TBL1X: variants seen among roughly 807,000 people sequenced by gnomAD.
TBL1X encodes transducin beta like 1 X-linked, also known as F-box-like/WD repeat-containing protein TBL1X.
A neutral mutation model predicts 50.7 loss-of-function variants in TBL1X; 10 were observed. That is an observed-to-expected ratio of 0.20 (90% confidence interval 0.12 to 0.33). The LOEUF (loss-of-function observed/expected upper bound fraction) is 0.33. Among genes scored for constraint, TBL1X ranks in the 10% least tolerant of loss-of-function variants. The pLI is 1.00. For synonymous variants in TBL1X, 190 were observed against 214.7 expected (o/e 0.88, Z 1.01); for missense variants, 340 against 504.4 (o/e 0.67, Z 3.12).
chrX:9,569,439 G>A (rs772303726), intron 2 of TBL1X, among the ~76,000 whole-genome samples: 48 of 112,000 alleles, frequency 4.3e-4, no homozygotes, highest in Middle Eastern at 4.6e-3. Flanking sequence ...TTTGTGTACC[G>A]TGCTGTGTGT....
At chrX:9,668,806 G>A (rs141756928) in intron 5 of TBL1X, among the ~76,000 whole-genome samples, 43 of 111,448 alleles carry the variant, frequency 3.9e-4, no homozygotes, top group Middle Eastern at 4.6e-3. Context: ...TACCTTGTGC[G>A]GTTTCTGTAC....
intron 11 of TBL1X, among the ~76,000 whole-genome samples, chrX:9,693,766 G>A (rs1043878395): frequency 6.3e-5 from 7 of 111,572 alleles, no homozygotes; most frequent in Non-Finnish European, 1.3e-4. Context: ...CACCCACTGA[G>A]GGGTGAGTGG....
intron 2 of TBL1X, among the ~76,000 whole-genome samples, chrX:9,579,434 A>G (rs760724826): frequency 9.8e-5 from 11 of 112,207 alleles, no homozygotes; most frequent in Non-Finnish European, 2.1e-4. Flanking sequence ...CCTTACTGAT[A>G]GAGTTGGAAA....
At chrX:9,505,303 A>C (rs1372210300) in intron 2 of TBL1X, among the ~76,000 whole-genome samples, 2 of 112,189 alleles carry the variant, frequency 1.8e-5, no homozygotes, top group Non-Finnish European at 3.8e-5. Context: ...AGAAGCACTA[A>C]ATATGGTAAG....
At chrX:9,568,818 GTCTA>G (rs1207553476) in intron 2 of TBL1X, among the ~76,000 whole-genome samples, 2 of 109,388 alleles carry the variant, frequency 1.8e-5, no homozygotes, top group Non-Finnish European at 3.8e-5. Context: ...TGTATGTTGT[GTCTA>G]TCTGTGCAGT....
chrX:9,589,889 G>T (rs898957669), intron 2 of TBL1X, among the ~76,000 whole-genome samples: 8 of 111,752 alleles, frequency 7.2e-5, no homozygotes, highest in Non-Finnish European at 1.5e-4. Flanking sequence ...CACCTAGGTG[G>T]TCAAGGTCAT....
In TBL1X at chrX:9,626,917, C is replaced by A. The variant is rs186622888; in HGVS notation, c.-130-13356C>A. 8.9e-5 allele frequency among the ~76,000 whole-genome samples: 10 copies of A among 112,231 alleles called. No homozygotes were observed. The East Asian group carries it at 2.5e-3, about 28-fold the overall frequency. ...TTTATTTTATGAATTGAAAAATATTCCTATTCAGCGGCTGTAGTCACACAA... is the reference window on the plus strand; with the variant it reads ...TTTATTTTATGAATTGAAAAATATTACTATTCAGCGGCTGTAGTCACACAA... On this transcript the variant is annotated intron_variant, in intron 2 of 17. Coordinates refer to ENST00000645353, the MANE Select transcript of TBL1X (RefSeq NM_005647.4).
chrX:9,663,745 A>G (rs190680740), intron 5 of TBL1X, among the ~76,000 whole-genome samples: 1,092 of 97,329 alleles, frequency 0.011, 10 homozygotes, highest in Non-Finnish European at 0.017. Flanking sequence ...TGGGCGACAG[A>G]GCGAGATTCT....
chrX:9,685,717 C>CTTTTTTTTTTTTTTTTTTTTTTTT, intron 6 of TBL1X, among the ~76,000 whole-genome samples: 1 of 59,614 alleles, frequency 1.7e-5, no homozygotes, highest in Non-Finnish European at 2.9e-5. Flanking sequence ...CTTTTCTTTT[C>CTTTTTTTTTTTTTTTTTTTTTTTT]TTTTTTTTTT....
intron 5 of TBL1X, among the ~76,000 whole-genome samples, chrX:9,683,004 C>G (rs1202846522): frequency 9.0e-6 from 1 of 111,445 alleles, no homozygotes; most frequent in African/African-American, 3.3e-5. Context: ...TGATGTCCAC[C>G]TCCCAAGGAT....
At chrX:9,701,299 A>AG (rs1012550607) in intron 12 of TBL1X, among the ~76,000 whole-genome samples, 5 of 110,547 alleles carry the variant, frequency 4.5e-5, no homozygotes, top group Non-Finnish European at 7.6e-5. Flanking sequence ...CAGAAGAATG[A>AG]GGGCTATTGA....
chrX:9,522,906 A>G (rs1223409575), intron 2 of TBL1X, among the ~76,000 whole-genome samples: 3 of 111,865 alleles, frequency 2.7e-5, no homozygotes, highest in Non-Finnish European at 5.6e-5. Flanking sequence ...GAAAGTTTCC[A>G]TCTGTGTGCA....
intron 12 of TBL1X, among the ~76,000 whole-genome samples, chrX:9,698,108 C>T (rs766134692): frequency 1.8e-5 from 2 of 110,952 alleles, no homozygotes; most frequent in South Asian, 3.9e-4. Flanking sequence ...CTGAATGCGC[C>T]GAGTATGGAG....
At chrX:9,698,873 T>C (rs1461430091) in intron 12 of TBL1X, among the ~76,000 whole-genome samples, 2 of 95,195 alleles carry the variant, frequency 2.1e-5, no homozygotes, top group Admixed American at 2.4e-4. Context: ...TACATCCCTT[T>C]GTGCACTGGA....
intron 2 of TBL1X, among the ~76,000 whole-genome samples, chrX:9,556,189 C>CA (rs1285002463): frequency 4.2e-4 from 36 of 86,665 alleles, no homozygotes; most frequent in East Asian, 1.1e-3. Context: ...TGTGTCTAAA[C>CA]AAAAAAAAAA....
At chrX:9,707,722 A>G (rs2083217750) in intron 13 of TBL1X, among the ~76,000 whole-genome samples, 1 of 112,479 alleles carries the variant, frequency 8.9e-6, no homozygotes, top group Admixed American at 9.4e-5. Flanking sequence ...CTGGCCTTGC[A>G]TACACATTCA....
intron 2 of TBL1X, among the ~76,000 whole-genome samples, chrX:9,555,674 G>C (rs1353763609): frequency 9.0e-6 from 1 of 111,669 alleles, no homozygotes; most frequent in Non-Finnish European, 1.9e-5. Flanking sequence ...ATGTATGAGG[G>C]TTCCAGTTTC....
intron 2 of TBL1X, among the ~76,000 whole-genome samples, chrX:9,586,933 G>A (rs1359856985): frequency 8.9e-6 from 1 of 112,102 alleles, no homozygotes; most frequent in African/African-American, 3.2e-5. Flanking sequence ...GGAGAGGAGC[G>A]TTACTTTTTT....
At chrX:9,526,944 T>A (rs1370108592) in intron 2 of TBL1X, among the ~76,000 whole-genome samples, 1 of 111,204 alleles carries the variant, frequency 9.0e-6, no homozygotes, top group Non-Finnish European at 1.9e-5. Flanking sequence ...TCATGGGAAT[T>A]GTGATGGGGA....
Sources: gnomAD v4.1 joint callset for allele counts (sites outside exome capture counted in the v4.1 genomes callset) on GRCh38, gnomAD v4.1.1 for gene constraint, MANE v1.5 for transcripts, NCBI Gene and HGNC (gene_info 2026-07-23, HGNC 2026-07-21) for gene names.